The following RIMBP2 variants were observed in gnomAD, a reference collection of about 807,000 sequenced individuals.
The protein encoded by RIMBP2 is RIMS binding protein 2.
RIMBP2 carries 48 observed loss-of-function variants against 118.6 expected under a neutral mutation model. That is an observed-to-expected ratio of 0.40 (90% CI 0.32 to 0.51). The LOEUF is 0.51. Among genes scored for constraint, RIMBP2 ranks in the 20% least tolerant of loss-of-function variants. The pLI is 0.41. For missense variants in RIMBP2, 1,551 were observed against 1,768.3 expected (o/e 0.88, Z 2.20); for synonymous variants, 762 against 742.9 (o/e 1.03, Z -0.42).
At chr12:130,645,613 G>A (rs1303703728) in intron 1 of RIMBP2, among the ~76,000 whole-genome samples, 6 of 152,194 alleles carry the variant, frequency 3.9e-5, no homozygotes, top group Non-Finnish European at 7.3e-5. Flanking sequence ...TAGCCTGGGG[G>A]ACAAGGTCAA....
At chr12:130,602,803 C>A (rs1380522264) in intron 2 of RIMBP2, among the ~76,000 whole-genome samples, 1 of 152,144 alleles carries the variant, frequency 6.6e-6, no homozygotes, top group Non-Finnish European at 1.5e-5. Context: ...ATTTGGTGTT[C>A]TTTTAGCATA....
At chr12:130,468,004 T>C (rs1484587827) in intron 6 of RIMBP2, among the ~76,000 whole-genome samples, 1 of 152,174 alleles carries the variant, frequency 6.6e-6, no homozygotes, top group Admixed American at 6.5e-5. Context: ...TGGCTGAGCA[T>C]GGAAGCAGGC....
intron 2 of RIMBP2, among the ~76,000 whole-genome samples, chr12:130,603,731 A>G (rs1016607095): frequency 6.6e-6 from 1 of 152,200 alleles, no homozygotes; most frequent in Non-Finnish European, 1.5e-5. Context: ...CTTCACAGCC[A>G]AGGTAACATC....
At chr12:130,474,645 A>G (rs900888491) in intron 5 of RIMBP2, among the ~76,000 whole-genome samples, 6 of 152,324 alleles carry the variant, frequency 3.9e-5, no homozygotes, top group African/African-American at 1.4e-4. Context: ...CCAGTTCTGC[A>G]ACAACCTGGG....
At chr12:130,557,340 G>A (rs562617245) in intron 2 of RIMBP2, among the ~76,000 whole-genome samples, 2 of 152,214 alleles carry the variant, frequency 1.3e-5, no homozygotes, top group South Asian at 4.1e-4. Context: ...CACGCCACAC[G>A]TTTCTATCTA....
intron 2 of RIMBP2, among the ~76,000 whole-genome samples, chr12:130,539,419 T>G (rs1015370207): frequency 5.0e-4 from 76 of 152,282 alleles, no homozygotes; most frequent in African/African-American, 1.8e-3. Flanking sequence ...GTGAAGGAAG[T>G]AAGAGTGTGA....
intron 1 of RIMBP2, among the ~76,000 whole-genome samples, chr12:130,656,345 G>A (rs566498857): frequency 6.6e-6 from 1 of 152,166 alleles, no homozygotes; most frequent in Non-Finnish European, 1.5e-5. Context: ...AATTCTGCCC[G>A]TCCCAGTGGG....
intron 16 of RIMBP2, among the ~76,000 whole-genome samples, chr12:130,423,716 T>C (rs1181390129): frequency 7.7e-4 from 66 of 85,704 alleles, no homozygotes; most frequent in African/African-American, 2.9e-3. Flanking sequence ...TGGTTATAAA[T>C]GTCAGAAAGC....
In RIMBP2 at chr12:130,446,791, T is replaced by C. The variant is rs2078556256; in HGVS notation, c.582-1522A>G. On this transcript the variant is annotated intron_variant, in intron 9 of 22. Transcript: ENST00000690449. The surrounding 1 kb of genome is among the most constrained non-coding windows in gnomAD (Gnocchi z 4.1). ...TTTAAGCCAGGGAGCGACAGGATCA[T>C]GTTTGCGTTTTACAAAGAGACCTCG... 6.6e-6 allele frequency among the ~76,000 whole-genome samples: 1 copy of C among 152,082 alleles called. No individual in the cohort carries two copies. Among genetic ancestry groups the C allele is most frequent in the African/African-American group, 2.4e-5 (1 of 41,418 alleles).
At chr12:130,497,041 T>G (rs1045727468) in intron 4 of RIMBP2, among the ~76,000 whole-genome samples, 1 of 152,146 alleles carries the variant, frequency 6.6e-6, no homozygotes, top group Admixed American at 6.5e-5. Flanking sequence ...GCCAGGCTCC[T>G]GGGCGCTCCA....
chr12:130,600,428 G>C (rs74605397), intron 2 of RIMBP2, among the ~76,000 whole-genome samples: 3,028 of 152,000 alleles, frequency 0.02, 90 homozygotes, highest in African/African-American at 0.069. Context: ...CCTCCCCGCT[G>C]GCCAGAAGGA....
chr12:130,661,782 C>T (rs7979388), intron 1 of RIMBP2, among the ~76,000 whole-genome samples: 82,651 of 152,024 alleles, frequency 0.54, 23,082 homozygotes, highest in Non-Finnish European at 0.62. Context: ...TCAGTGAAGA[C>T]AAAATGAAGC....
At chr12:130,533,699 A>G (rs1184280329) in intron 2 of RIMBP2, among the ~76,000 whole-genome samples, 3 of 152,258 alleles carry the variant, frequency 2.0e-5, no homozygotes, top group Non-Finnish European at 4.4e-5. Flanking sequence ...AAAATATGGT[A>G]TACATACACC....
At chr12:130,606,622 C>T (rs2060204812) in intron 2 of RIMBP2, among the ~76,000 whole-genome samples, 1 of 152,152 alleles carries the variant, frequency 6.6e-6, no homozygotes, top group African/African-American at 2.4e-5. Context: ...CCATCCAAAC[C>T]TTATCTGAAA....
At chr12:130,508,380 G>T (rs906290749) in intron 3 of RIMBP2, among the ~76,000 whole-genome samples, 1 of 151,790 alleles carries the variant, frequency 6.6e-6, no homozygotes, top group Admixed American at 6.6e-5. Flanking sequence ...CTACCCACCT[G>T]CTACCCTGTT....
intron 1 of RIMBP2, among the ~76,000 whole-genome samples, chr12:130,644,817 G>T (rs989220864): frequency 6.6e-6 from 1 of 152,206 alleles, no homozygotes; most frequent in African/African-American, 2.4e-5. Flanking sequence ...AGAGTCACTG[G>T]GCAAAGCACC....
chr12:130,578,705 G>A lies in RIMBP2; in HGVS notation c.-217+49617C>T, dbSNP rs115755213. ...GACTTCCCCTCGCTACCCAACGACC[G>A]AGTCCCTCACCCTGCCCCGTCTCCA... is the stretch of plus-strand genomic sequence containing the variant. On this transcript the variant is annotated intron_variant, in intron 2 of 22. Coordinates refer to ENST00000690449, the MANE Select transcript of RIMBP2 (RefSeq NM_001393629.1). The surrounding 1 kb of genome is among the most constrained non-coding windows in gnomAD (Gnocchi z 4.1). 3.9e-4 allele frequency among the ~76,000 whole-genome samples: 60 copies of A among 152,206 alleles called. No homozygotes were observed. The highest frequency in any genetic ancestry group is 1.3e-3 in the African/African-American group (56 of 41,522).
At chr12:130,497,162 T>C (rs2049262739) in intron 4 of RIMBP2, among the ~76,000 whole-genome samples, 1 of 152,136 alleles carries the variant, frequency 6.6e-6, no homozygotes, top group Non-Finnish European at 1.5e-5. Flanking sequence ...ACGAGGGCCC[T>C]CCCTGATGTG....
At chr12:130,423,428 C>T (rs2076544401) in intron 16 of RIMBP2, among the ~76,000 whole-genome samples, 1 of 152,294 alleles carries the variant, frequency 6.6e-6, no homozygotes, top group African/African-American at 2.4e-5. Context: ...ATGTGGATGG[C>T]TCACCTGTGT....
Sources: allele counts gnomAD v4.1 joint callset (sites outside exome capture counted in the v4.1 genomes callset), GRCh38; gene constraint gnomAD v4.1.1; non-coding constraint Gnocchi (gnomAD v3.1); transcripts MANE v1.5; gene names NCBI Gene and HGNC (gene_info 2026-07-23, HGNC 2026-07-21).